Variants in EDNRB observed in about 807,000 individuals in gnomAD.
EDNRB encodes the protein endothelin receptor type B.
A neutral mutation model predicts 46.4 loss-of-function variants in EDNRB; 18 were observed. The ratio of observed to expected loss-of-function variants is 0.39; its 90% CI spans 0.27 to 0.57. The LOEUF is 0.57. EDNRB is among the 20% of genes least tolerant of loss of function. The pLI is 0.61. For missense variants in EDNRB, 434 were observed against 537.5 expected (o/e 0.81, Z 1.90); for synonymous variants, 213 against 204.9 (o/e 1.04, Z -0.34).
chr13:77,901,631 C>T (rs896729970), intron 3 of EDNRB, among the ~76,000 whole-genome samples: 6 of 151,924 alleles, frequency 3.9e-5, no homozygotes, highest in South Asian at 2.1e-4. Context: ...ACAACAGATA[C>T]GAAAAGGTCT....
At chr13:77,945,333 GTGAACC>G (rs1466137272) in intron 1 of EDNRB, among the ~76,000 whole-genome samples, 1 of 152,182 alleles carries the variant, frequency 6.6e-6, no homozygotes, top group Non-Finnish European at 1.5e-5. Flanking sequence ...GAACAAATAA[GTGAACC>G]TGTTCACTGA....
chr13:77,972,260 C>T (rs1195638136), intron 1 of EDNRB, among the ~76,000 whole-genome samples: 14 of 152,292 alleles, frequency 9.2e-5, no homozygotes, highest in African/African-American at 3.1e-4. Flanking sequence ...AAAATCTGGG[C>T]CTCTGGCCTG....
At chr13:77,904,322 A>G (rs1594361152) in intron 1 of EDNRB, among the ~76,000 whole-genome samples, 1 of 151,900 alleles carries the variant, frequency 6.6e-6, no homozygotes, top group Non-Finnish European at 1.5e-5. Context: ...AGACATCCCT[A>G]TCTCCCTACT....
intron 1 of EDNRB, among the ~76,000 whole-genome samples, chr13:77,951,757 G>A (rs942090171): frequency 1.3e-5 from 2 of 152,096 alleles, no homozygotes; most frequent in African/African-American, 2.4e-5. Context: ...CCCAAGGTCT[G>A]TCAAGTGTCC....
chr13:77,968,685 T>C (rs1881645758), intron 1 of EDNRB, among the ~76,000 whole-genome samples: 2 of 151,900 alleles, frequency 1.3e-5, no homozygotes, highest in Non-Finnish European at 2.9e-5. Context: ...GGTAACAACA[T>C]GTTCTTAAAT....
chr13:77,908,597 C>T (rs1333742617), intron 1 of EDNRB, among the ~76,000 whole-genome samples: 1 of 151,916 alleles, frequency 6.6e-6, no homozygotes, highest in Non-Finnish European at 1.5e-5. Flanking sequence ...TACAGCTTTC[C>T]CCACTGAAGA....
intron 1 of EDNRB, among the ~76,000 whole-genome samples, chr13:77,931,752 A>C (rs1382906585): frequency 1.4e-5 from 2 of 138,066 alleles, no homozygotes; most frequent in Non-Finnish European, 3.1e-5. Context: ...AGCAAAAAAA[A>C]AAAAAAAACA....
At chr13:77,939,277 T>C (rs1474574444) in intron 1 of EDNRB, 1 of 152,114 alleles carries the variant, frequency 6.6e-6, no homozygotes, top group East Asian at 1.9e-4. Flanking sequence ...TTCATTTCTT[T>C]TGTGGTGGAA....
intron 1 of EDNRB, among the ~76,000 whole-genome samples, chr13:77,905,432 G>A (rs1186388153): frequency 6.6e-6 from 1 of 151,828 alleles, no homozygotes; most frequent in African/African-American, 2.4e-5. Flanking sequence ...TCTATCTTGT[G>A]ACTTCTGGGT....
intron 1 of EDNRB, among the ~76,000 whole-genome samples, chr13:77,973,747 A>G (rs573716144): frequency 1.3e-3 from 196 of 152,224 alleles, no homozygotes; most frequent in African/African-American, 4.4e-3. Context: ...TTTAAACTAG[A>G]CAACATTTCT....
intron 1 of EDNRB, among the ~76,000 whole-genome samples, chr13:77,931,761 CAA>C (rs1424831945): frequency 0.014 from 1,384 of 97,712 alleles, 19 homozygotes; most frequent in Non-Finnish European, 0.02. Flanking sequence ...AAAAAAAAAA[CAA>C]AAAAAAAAAA....
intron 1 of EDNRB, among the ~76,000 whole-genome samples, chr13:77,943,533 C>T (rs985587117): frequency 4.6e-5 from 7 of 152,100 alleles, no homozygotes; most frequent in Non-Finnish European, 8.8e-5. Flanking sequence ...TTCAACTAAA[C>T]TTCGAAAGAT....
chr13:77,961,257 G>A (rs180691452), intron 1 of EDNRB, among the ~76,000 whole-genome samples: 11 of 151,198 alleles, frequency 7.3e-5, no homozygotes, highest in African/African-American at 2.4e-4. Flanking sequence ...TCAGCACCAC[G>A]TCGCACTTAT....
chr13:77,901,232 G>A (rs202165338), intron 3 of EDNRB, 25 bp from the exon 4 acceptor site: 91 of 1,606,280 alleles, frequency 5.7e-5, no homozygotes, highest in East Asian at 1.1e-4. Context: ...GAATTTTTAC[G>A]ATTAATACTC....
At position 77,903,206 on chromosome 13, in the gene EDNRB, A is replaced by C; in HGVS notation, c.751T>G (p.Tyr251Asp). 2.5e-6 allele frequency: 4 copies of C among 1,612,992 alleles called. No homozygotes were observed. The highest frequency in any genetic ancestry group is 3.4e-6 in the Non-Finnish European group (4 of 1,179,324). ...DIITMDYKGS[Y>D]LRICLLHPVQ... Reference sequence around the variant, plus strand: ...GGATGAAGCAAGCAGATTCGCAGATAACTTCCTTTGTAGTCCATCGTAATT... The same window carrying C: ...GGATGAAGCAAGCAGATTCGCAGATCACTTCCTTTGTAGTCCATCGTAATT... Residue 251 changes from tyrosine (Y) to aspartate (D), a missense_variant, in exon 3 of 7, where the codon TAT becomes GAT. Physicochemically the swap from Tyr to Asp is radical, Grantham distance 160. Transcript: ENST00000646607.
intron 1 of EDNRB, among the ~76,000 whole-genome samples, chr13:77,963,380 C>A (rs555270936): frequency 5.9e-5 from 9 of 152,244 alleles, no homozygotes; most frequent in African/African-American, 2.2e-4. Context: ...TACTACAAGG[C>A]TACAGTAACC....
At chr13:77,923,125 A>T (rs937244533), upstream of EDNRB, among the ~76,000 whole-genome samples, 1 of 152,208 alleles carries the variant, frequency 6.6e-6, no homozygotes, top group African/African-American at 2.4e-5. Flanking sequence ...ATAAGACTTC[A>T]TTAATTCTTT....
At chr13:77,934,334 C>CACTTTTAAAAACGGA (rs1456844249) in intron 1 of EDNRB, among the ~76,000 whole-genome samples, 1 of 152,096 alleles carries the variant, frequency 6.6e-6, no homozygotes, top group East Asian at 1.9e-4. Context: ...TTTTAAAAGA[C>CACTTTTAAAAACGGA]CTTTAGTCCG....
At chr13:77,953,759 T>C (rs923176485) in intron 1 of EDNRB, among the ~76,000 whole-genome samples, 6 of 152,098 alleles carry the variant, frequency 3.9e-5, no homozygotes, top group African/African-American at 1.4e-4. Context: ...TAGGAGTTGA[T>C]TGCAGGAACC....
Sources: gnomAD v4.1 joint callset for allele counts (sites outside exome capture counted in the v4.1 genomes callset) on GRCh38, gnomAD v4.1.1 for gene constraint, MANE v1.5 for transcripts, NCBI Gene and HGNC (gene_info 2026-07-23, HGNC 2026-07-21) for gene names.